The following TRPC6 variants were observed in gnomAD, a reference collection of about 807,000 sequenced individuals.
TRPC6 encodes short transient receptor potential channel 6.
Under a neutral mutation model 90.7 loss-of-function variants are expected in TRPC6, and 55 were observed. The observed-to-expected ratio is 0.61, with a 90% CI of 0.49 to 0.76. The LOEUF (loss-of-function observed/expected upper bound fraction) is 0.76, where lower values mean the gene tolerates loss of function less well. TRPC6 is among the 30% of genes least tolerant of loss of function. TRPC6 has a pLI of 0.00. For synonymous variants in TRPC6, 393 were observed against 393.0 expected (o/e 1.00, Z 0.00); for missense variants, 989 against 1,122.7 (o/e 0.88, Z 1.70).
At chr11:101,544,074 T>C (rs1424276035) in intron 1 of TRPC6, among the ~76,000 whole-genome samples, 1 of 152,190 alleles carries the variant, frequency 6.6e-6, no homozygotes, top group African/African-American at 2.4e-5. Context: ...GCAGAGGATA[T>C]GAACAGACAC....
At chr11:101,565,160 G>T (rs904742261) in intron 1 of TRPC6, among the ~76,000 whole-genome samples, 3 of 152,032 alleles carry the variant, frequency 2.0e-5, no homozygotes, top group African/African-American at 7.2e-5. Context: ...TAATTCTTTG[G>T]ATATGACACC....
chr11:101,476,978 A>G (rs182372972), intron 5 of TRPC6, among the ~76,000 whole-genome samples: 2 of 152,150 alleles, frequency 1.3e-5, no homozygotes, highest in Admixed American at 6.5e-5. Flanking sequence ...GTGACATCCA[A>G]CTACAGGAAT....
chr11:101,573,515 G>T (rs1862007804), intron 1 of TRPC6, among the ~76,000 whole-genome samples: 1 of 152,148 alleles, frequency 6.6e-6, no homozygotes, highest in Non-Finnish European at 1.5e-5. Flanking sequence ...AATAAAGCTA[G>T]GGCCTGGCAT....
In TRPC6 at chr11:101,486,263, G is replaced by T. The variant is rs140308866; in HGVS notation, c.1293+2674C>A. 4.2e-3 allele frequency among the ~76,000 whole-genome samples: 637 copies of T among 152,132 alleles called. 1 individual carries two copies. The highest frequency in any genetic ancestry group is 0.015 in the African/African-American group (614 of 41,514). On this transcript the variant is annotated intron_variant, in intron 4 of 12. Transcript: ENST00000344327. Reference sequence around the variant, plus strand: ...TCTCACTAGACTTTAGGAATTGAAGGGAGTTATCCTTTTTGGTAAAATTTG... The same window carrying T: ...TCTCACTAGACTTTAGGAATTGAAGTGAGTTATCCTTTTTGGTAAAATTTG...
chr11:101,528,358 A>G (rs979953555), intron 1 of TRPC6, among the ~76,000 whole-genome samples: 3 of 152,146 alleles, frequency 2.0e-5, no homozygotes, highest in Admixed American at 6.6e-5. Context: ...AATCAGCAAT[A>G]TTGTGCCTTG....
intron 1 of TRPC6, among the ~76,000 whole-genome samples, chr11:101,512,477 T>C (rs1251875053): frequency 1.3e-5 from 2 of 152,224 alleles, no homozygotes; most frequent in African/African-American, 2.4e-5. Flanking sequence ...ACGGAAGTTA[T>C]AGGAACTTGC....
rs1859818534 is a variant in TRPC6 at position 101,491,740 on chromosome 11, T to C, written c.946-2A>G. 1 of 1,612,548 alleles carries C rather than the reference T, an allele frequency of 6.2e-7. No homozygotes were observed. Among genetic ancestry groups the C allele is most frequent in the Non-Finnish European group, 8.5e-7 (1 of 1,179,436 alleles). ...CATTGACAGTTTTTTGTAGTCATTC[T>C]AGGAAAAACAAAGCAAAACAAAAGC... On this transcript the variant is annotated splice_acceptor_variant, in intron 2 of 12. Transcript: ENST00000344327. LOFTEE classifies it high-confidence loss of function.
intron 10 of TRPC6, among the ~76,000 whole-genome samples, chr11:101,458,495 A>G (rs2136644751): frequency 6.6e-6 from 1 of 152,338 alleles, no homozygotes; most frequent in East Asian, 1.9e-4. Flanking sequence ...AGGTTTACAC[A>G]TGTAATAGAC....
intron 10 of TRPC6, among the ~76,000 whole-genome samples, chr11:101,457,814 G>A (rs1858919380): frequency 6.6e-6 from 1 of 152,118 alleles, no homozygotes; most frequent in South Asian, 2.1e-4. Flanking sequence ...GGGGTATAGA[G>A]AATATATAGT....
chr11:101,582,841 C>A (rs1862228009), intron 1 of TRPC6, among the ~76,000 whole-genome samples: 2 of 152,240 alleles, frequency 1.3e-5, no homozygotes, highest in South Asian at 4.1e-4. Flanking sequence ...GCCCGAAACG[C>A]TAAGCCAAGC....
intron 10 of TRPC6, among the ~76,000 whole-genome samples, chr11:101,458,592 C>T (rs983614323): frequency 3.3e-5 from 5 of 152,118 alleles, no homozygotes; most frequent in Admixed American, 1.3e-4. Context: ...AACTCAGTGA[C>T]CTTTAGAGTT....
chr11:101,558,360 T>TAC (rs1861626366), intron 1 of TRPC6, among the ~76,000 whole-genome samples: 3 of 141,318 alleles, frequency 2.1e-5, no homozygotes, highest in African/African-American at 5.4e-5. Context: ...TATACATGTA[T>TAC]ATGGGTATAC....
chr11:101,535,685 G>A (rs1364046337), intron 1 of TRPC6, among the ~76,000 whole-genome samples: 1 of 152,166 alleles, frequency 6.6e-6, no homozygotes, highest in African/African-American at 2.4e-5. Flanking sequence ...AAGCACTATT[G>A]ATTAGGCATA....
At chr11:101,573,236 A>T (rs1286037489) in intron 1 of TRPC6, among the ~76,000 whole-genome samples, 1 of 147,308 alleles carries the variant, frequency 6.8e-6, no homozygotes, top group Non-Finnish European at 1.5e-5. Context: ...AGTCCCTACC[A>T]GATGCGAGTC....
chr11:101,548,693 C>A (rs1225494123), intron 1 of TRPC6, among the ~76,000 whole-genome samples: 1 of 151,268 alleles, frequency 6.6e-6, no homozygotes, highest in East Asian at 1.9e-4. Context: ...AAAAAGAAAA[C>A]TGAGATGAAA....
chr11:101,558,422 C>A (rs1565243557), intron 1 of TRPC6, among the ~76,000 whole-genome samples: 1 of 126,560 alleles, frequency 7.9e-6, no homozygotes, highest in Non-Finnish European at 1.7e-5. Context: ...TACACACACA[C>A]ATATCTACAT....
At chr11:101,503,435 G>A (rs1353596753) in intron 2 of TRPC6, among the ~76,000 whole-genome samples, 1 of 152,052 alleles carries the variant, frequency 6.6e-6, no homozygotes, top group Non-Finnish European at 1.5e-5. Context: ...ATACTTCCCT[G>A]CAGCCTAACA....
At chr11:101,561,371 A>G (rs12799086) in intron 1 of TRPC6, among the ~76,000 whole-genome samples, 11,191 of 152,244 alleles carry the variant, frequency 0.074, 562 homozygotes, top group Non-Finnish European at 0.11. Flanking sequence ...TACATAAAGT[A>G]AGTCATTCAT....
intron 3 of TRPC6, 141 bp downstream of exon 3, chr11:101,491,415 C>T (rs1455092647): frequency 5.4e-6 from 6 of 1,103,546 alleles, no homozygotes; most frequent in Non-Finnish European, 6.4e-6. Flanking sequence ...GACTGGGCGA[C>T]AGAGCGAGAC....
Sources: allele counts gnomAD v4.1 joint callset (sites outside exome capture counted in the v4.1 genomes callset), GRCh38; gene constraint gnomAD v4.1.1; transcripts MANE v1.5; gene names NCBI Gene and HGNC (gene_info 2026-07-23, HGNC 2026-07-21).